The following SH3D19 variants were observed in gnomAD, a reference collection of about 807,000 sequenced individuals.
SH3D19 encodes the protein SH3 domain containing 19.
SH3D19 carries 58 observed loss-of-function variants against 112.1 expected under a neutral mutation model. The observed-to-expected ratio is 0.52, with a 90% CI of 0.42 to 0.64. The LOEUF is 0.64. Among genes scored for constraint, SH3D19 ranks in the 30% least tolerant of loss-of-function variants. The probability of loss-of-function intolerance (pLI) is 0.00; values close to 1 mark genes in which losing one functional copy is unlikely to be tolerated. For synonymous variants in SH3D19, 391 were observed against 448.5 expected (o/e 0.87, Z 1.62); for missense variants, 1,090 against 1,263.4 (o/e 0.86, Z 2.08).
chr4:151,205,374 C>G (rs138603738), intron 2 of SH3D19, among the ~76,000 whole-genome samples: 53 of 152,256 alleles, frequency 3.5e-4, no homozygotes, highest in African/African-American at 1.1e-3. Context: ...CATAAAGCAT[C>G]TGTTTGTTTT....
chr4:151,182,155 C>A (rs1382158778), intron 3 of SH3D19, among the ~76,000 whole-genome samples: 1 of 151,882 alleles, frequency 6.6e-6, no homozygotes, highest in African/African-American at 2.4e-5. Flanking sequence ...CACCTGGCTC[C>A]TTTTCGTATC....
chr4:151,225,118 T>C (rs188110667), intron 2 of SH3D19, among the ~76,000 whole-genome samples: 8 of 152,334 alleles, frequency 5.3e-5, no homozygotes, highest in African/African-American at 1.9e-4. Context: ...GAAATTTTTA[T>C]AGATCTTATA....
At chr4:151,227,563 T>C (rs1769205177) in intron 1 of SH3D19, among the ~76,000 whole-genome samples, 2 of 152,218 alleles carry the variant, frequency 1.3e-5, no homozygotes, top group African/African-American at 4.8e-5. Flanking sequence ...TAAATGAAAA[T>C]ATCATGTTTT....
At chr4:151,300,349 G>A (rs1728264542) in intron 1 of SH3D19, among the ~76,000 whole-genome samples, 1 of 152,016 alleles carries the variant, frequency 6.6e-6, no homozygotes, top group Non-Finnish European at 1.5e-5. Flanking sequence ...TCAAGTGTTT[G>A]AGTCTCTACA....
In SH3D19 at chr4:151,175,487, T is replaced by G; in HGVS notation, c.717A>C (p.Arg239Ser). The G allele has an allele frequency of 2.0e-6, 3 of 1,471,274 alleles. No individual in the cohort carries two copies. The highest frequency in any genetic ancestry group is 2.7e-6 in the Non-Finnish European group (3 of 1,115,568). The allele number at this position is 1,471,274 out of a possible 1,614,324, so 91.1% of individuals were successfully genotyped here. The change falls in exon 7 of 20, where the codon AGA becomes AGC. Residue 239 changes from arginine to serine, a missense_variant. Coordinates refer to ENST00000604030, the MANE Select transcript of SH3D19 (RefSeq NM_001378122.1). Reference sequence around the variant, plus strand: ...GACTTTGCTCTTTAATGTGAGAATCTCTGGGTATTGGTCTGAGGTTGCTTT... The same window carrying G: ...GACTTTGCTCTTTAATGTGAGAATCGCTGGGTATTGGTCTGAGGTTGCTTT... ...RSKSNLRPIPRDSHIKEQSQQ... is the reference protein window; with the variant it reads ...RSKSNLRPIPSDSHIKEQSQQ...
intron 1 of SH3D19, among the ~76,000 whole-genome samples, chr4:151,253,863 C>T (rs1379606961): frequency 1.3e-5 from 2 of 152,174 alleles, no homozygotes; most frequent in African/African-American, 4.8e-5. Flanking sequence ...GTTTTCATAC[C>T]TCTATTCTAG....
intron 2 of SH3D19, among the ~76,000 whole-genome samples, chr4:151,193,039 C>T (rs1035265804): frequency 2.6e-5 from 4 of 151,648 alleles, no homozygotes; most frequent in African/African-American, 9.7e-5. Context: ...AAGAATGTGT[C>T]ATGTAACATG....
chr4:151,320,440 T>C (rs774609162), intron 1 of SH3D19, among the ~76,000 whole-genome samples: 30 of 152,036 alleles, frequency 2.0e-4, no homozygotes, highest in Non-Finnish European at 4.3e-4. Flanking sequence ...ATAAAGGAAA[T>C]ATAGGAGAAT....
At chr4:151,195,219 A>G (rs1352005775) in intron 2 of SH3D19, among the ~76,000 whole-genome samples, 3 of 151,410 alleles carry the variant, frequency 2.0e-5, no homozygotes, top group Admixed American at 2.0e-4. Flanking sequence ...AAATACGAAA[A>G]AAATTAGCCG....
At chr4:151,247,345 G>A (rs1014138105) in intron 1 of SH3D19, among the ~76,000 whole-genome samples, 1 of 152,130 alleles carries the variant, frequency 6.6e-6, no homozygotes, top group African/African-American at 2.4e-5. Context: ...TAAAAGTTTG[G>A]TAGAATTTCT....
At chr4:151,320,060 G>A (rs1730384943) in intron 1 of SH3D19, among the ~76,000 whole-genome samples, 1 of 152,164 alleles carries the variant, frequency 6.6e-6, no homozygotes, top group Admixed American at 6.5e-5. Flanking sequence ...CTACCTCACA[G>A]GTGATAACAT....
chr4:151,168,022 AAAAAC>A (rs199531626), intron 7 of SH3D19, among the ~76,000 whole-genome samples: 1,564 of 152,356 alleles, frequency 0.01, 22 homozygotes, highest in African/African-American at 0.034. Context: ...TTTTAGTTAA[AAAAAC>A]AAAACAAAAC....
intron 1 of SH3D19, among the ~76,000 whole-genome samples, chr4:151,258,589 C>T (rs1772122394): frequency 6.6e-6 from 1 of 152,208 alleles, no homozygotes; most frequent in Non-Finnish European, 1.5e-5. Context: ...TTCCCTTTTT[C>T]TTACCTCCCA....
chr4:151,304,493 A>C (rs1580453643), intron 1 of SH3D19, among the ~76,000 whole-genome samples: 2 of 152,196 alleles, frequency 1.3e-5, no homozygotes. Context: ...GAACTGTAAT[A>C]ATTTGTCTTG....
At chr4:151,161,638 A>ATT (rs1420945241) in intron 8 of SH3D19, among the ~76,000 whole-genome samples, 19 of 147,560 alleles carry the variant, frequency 1.3e-4, no homozygotes, top group African/African-American at 4.5e-4. Context: ...ATATATATAT[A>ATT]TATTTTAATT....
intron 1 of SH3D19, among the ~76,000 whole-genome samples, chr4:151,299,961 G>A (rs1728204372): frequency 6.6e-6 from 1 of 152,158 alleles, no homozygotes; most frequent in African/African-American, 2.4e-5. Flanking sequence ...TAGCACTTTG[G>A]GAGGCCAAGG....
At chr4:151,279,753 G>C (rs1412969153) in intron 1 of SH3D19, 1 of 1,587,516 alleles carries the variant, frequency 6.3e-7, no homozygotes, top group Non-Finnish European at 8.6e-7. Flanking sequence ...CAGAGAAACA[G>C]GACTCCTAGG....
chr4:151,311,159 GA>G (rs922560719), intron 1 of SH3D19, among the ~76,000 whole-genome samples: 1 of 148,766 alleles, frequency 6.7e-6, no homozygotes, highest in Non-Finnish European at 1.5e-5. Flanking sequence ...ACACACAGTG[GA>G]ATTTTATTCA....
chr4:151,210,461 G>A (rs1192459179), intron 2 of SH3D19, among the ~76,000 whole-genome samples: 1 of 150,270 alleles, frequency 6.7e-6, no homozygotes, highest in East Asian at 2.0e-4. Flanking sequence ...GAGTGCAGTG[G>A]CGCAATCTCA....
Sources: gnomAD v4.1 joint callset for allele counts (sites outside exome capture counted in the v4.1 genomes callset) on GRCh38, gnomAD v4.1.1 for gene constraint, MANE v1.5 for transcripts, NCBI Gene and HGNC (gene_info 2026-07-23, HGNC 2026-07-21) for gene names.